The following RIPOR2 variants were observed in gnomAD, a reference collection of about 807,000 sequenced individuals.
RIPOR2 encodes RHO family interacting cell polarization regulator 2, also known as rho family-interacting cell polarization regulator 2.
In RIPOR2, 39 loss-of-function variants were observed where a neutral mutation model predicts 114.5. The observed-to-expected ratio is 0.34, with a 90% CI of 0.26 to 0.44. RIPOR2 has a LOEUF of 0.44. Among genes scored for constraint, RIPOR2 ranks in the 20% least tolerant of loss-of-function variants. The pLI, the probability that RIPOR2 is intolerant of heterozygous loss-of-function variation, is 1.00. For synonymous variants in RIPOR2, 445 were observed against 484.4 expected (o/e 0.92, Z 1.07); for missense variants, 1,007 against 1,255.1 (o/e 0.80, Z 2.99).
chr6:24,870,159 ATTTTAACTGGAATCCTT>A (rs1384587219), intron 5 of RIPOR2, among the ~76,000 whole-genome samples: 1 of 152,240 alleles, frequency 6.6e-6, no homozygotes, highest in Non-Finnish European at 1.5e-5. Flanking sequence ...CAACTGTCAG[ATTTTAACTGGAATCCTT>A]TTTTTCTCTT....
chr6:25,022,531 C>CTTTTTTTT (rs1561848668), intron 1 of RIPOR2, among the ~76,000 whole-genome samples: 5 of 64,510 alleles, frequency 7.8e-5, no homozygotes, highest in Non-Finnish European at 1.4e-4. Flanking sequence ...TGGTACCTTC[C>CTTTTTTTT]ATTTTTTTTT....
chr6:25,039,137 T>A (rs1027248990), intron 1 of RIPOR2, among the ~76,000 whole-genome samples: 3 of 152,226 alleles, frequency 2.0e-5, no homozygotes, highest in Non-Finnish European at 1.5e-5. Context: ...AACGCTGACC[T>A]ATGAGAAAAG....
chr6:24,821,065 G>A (rs1759654104), intron 19 of RIPOR2, among the ~76,000 whole-genome samples: 1 of 151,674 alleles, frequency 6.6e-6, no homozygotes, highest in African/African-American at 2.4e-5. Flanking sequence ...TACGGATGGG[G>A]TTTCACTATG....
chr6:24,869,207 G>C (rs1383011903), intron 5 of RIPOR2, 60 bp from the exon 6 acceptor site: 1 of 793,928 alleles, frequency 1.3e-6, no homozygotes, highest in Non-Finnish European at 2.1e-6. Flanking sequence ...ACTTAGGCTT[G>C]TGAGAATATC....
At chr6:24,849,123 T>G (rs562539062) in intron 11 of RIPOR2, among the ~76,000 whole-genome samples, 3 of 152,348 alleles carry the variant, frequency 2.0e-5, no homozygotes, top group African/African-American at 7.2e-5. Context: ...CAGGCTGGTC[T>G]CAAACTCCTG....
At chr6:25,032,509 G>C (rs1777040787) in intron 1 of RIPOR2, among the ~76,000 whole-genome samples, 1 of 152,070 alleles carries the variant, frequency 6.6e-6, no homozygotes, top group Non-Finnish European at 1.5e-5. Context: ...ATCGCCCTCT[G>C]TTTGGTGGAG....
intron 7 of RIPOR2, 132 bp from the exon 8 acceptor site, chr6:24,861,168 C>T (rs546112401): frequency 1.6e-6 from 1 of 614,982 alleles, no homozygotes; most frequent in East Asian, 2.9e-5. Context: ...CCACACAGCA[C>T]AGCCTAAGAA....
intron 1 of RIPOR2, among the ~76,000 whole-genome samples, chr6:24,985,609 T>C (rs187832111): frequency 1.2e-4 from 18 of 152,242 alleles, no homozygotes; most frequent in African/African-American, 4.1e-4. Flanking sequence ...ACAGGATGAA[T>C]TTCTATCCCC....
intron 12 of RIPOR2, chr6:24,847,822 A>G: frequency 1.7e-6 from 2 of 1,152,074 alleles, no homozygotes; most frequent in Non-Finnish European, 1.2e-6. Context: ...TAAAAGGCTG[A>G]TCTTAGAGAA....
At chr6:24,870,642 G>A (rs1261326064) in intron 5 of RIPOR2, among the ~76,000 whole-genome samples, 2 of 152,166 alleles carry the variant, frequency 1.3e-5, no homozygotes, top group African/African-American at 2.4e-5. Flanking sequence ...GGGTAGCTGG[G>A]ACCACAGGCA....
chr6:25,031,572 T>TATAC lies in RIPOR2; in HGVS notation c.76+10278_76+10279insGTAT, dbSNP rs1491585655. 1.8e-4 allele frequency among the ~76,000 whole-genome samples: 27 copies of TATAC among 147,932 alleles called. No individual in the cohort carries two copies. In the East Asian group the frequency reaches 4.7e-3, roughly 26 times the overall value. ...AGATTGACTGATATATATATATATATACATATATATGAGTGTTTAGAATAA... is the reference window on the plus strand; with the variant it reads ...AGATTGACTGATATATATATATATATATACACATATATATGAGTGTTTAGAATAA... On this transcript the variant is annotated intron_variant, in intron 1 of 13. Transcript: ENST00000510784.
intron 1 of RIPOR2, among the ~76,000 whole-genome samples, chr6:25,025,022 A>T (rs1776539014): frequency 6.6e-6 from 1 of 152,218 alleles, no homozygotes; most frequent in African/African-American, 2.4e-5. Flanking sequence ...TGGGTGAGTA[A>T]TCAGACATGT....
chr6:24,846,323 T>TC (rs1016511323), intron 12 of RIPOR2, among the ~76,000 whole-genome samples: 7 of 149,402 alleles, frequency 4.7e-5, no homozygotes, highest in African/African-American at 1.7e-4. Flanking sequence ...TTTTTTTTTT[T>TC]TGAGACAAGG....
intron 1 of RIPOR2, among the ~76,000 whole-genome samples, chr6:24,977,713 T>A (rs1000186341): frequency 2.4e-4 from 37 of 152,200 alleles, no homozygotes; most frequent in Non-Finnish European, 3.5e-4. Context: ...GCTGCCCTGA[T>A]GTTTTGTTGG....
At chr6:24,841,345 GC>G (rs1761696355) in intron 13 of RIPOR2, among the ~76,000 whole-genome samples, 7 of 152,202 alleles carry the variant, frequency 4.6e-5, no homozygotes. Context: ...GCATATACAA[GC>G]CCTGAGCTGA....
chr6:24,839,915 C>G lies in RIPOR2; in HGVS notation c.1858-643G>C, dbSNP rs898894228. 1.1e-5 allele frequency: 10 copies of G among 931,586 alleles called. No homozygotes were observed. In the African/African-American group the frequency reaches 1.9e-4, roughly 18 times the overall value. 57.7% of individuals were successfully genotyped at this position (931,586 alleles called of 1,614,324 possible). On this transcript the variant is annotated intron_variant, in intron 13 of 21. Transcript: ENST00000643898. ...TTCAAATTCACCTAGCCCATGTTCC[C>G]TAGGTAAGAAGCCCTGCATCTTTTT...
chr6:24,983,722 A>C (rs1774403617), intron 1 of RIPOR2, among the ~76,000 whole-genome samples: 1 of 129,798 alleles, frequency 7.7e-6, no homozygotes, highest in Admixed American at 9.6e-5. Context: ...GTGCCACTAC[A>C]CTCCAGCCTG....
Position 24,832,300 on chromosome 6 carries a change from G to C in RIPOR2, c.2300C>G (p.Ala767Gly). 2 of 1,551,742 alleles carry C rather than the reference G, an allele frequency of 1.3e-6. No homozygotes were observed. The highest frequency in any genetic ancestry group is 1.7e-6 in the Non-Finnish European group (2 of 1,146,930). Residue 767 changes from alanine to glycine, a missense_variant, in exon 16 of 22, where the codon GCT becomes GGT. Ala to Gly is a moderately conservative substitution (Grantham distance 60). Coordinates refer to ENST00000643898, the MANE Select transcript of RIPOR2 (RefSeq NM_001286445.3). The stretch of plus-strand genomic sequence containing the variant: ...ATTTCCTATGTTCTCATCACTGACA[G>C]CTGCGAGTTTCTCCATCACTTGGAT... ...RQIQVMEKLA[A>G]VSDENIGNIS...
chr6:25,041,726 A>G (rs962655882), intron 1 of RIPOR2: 3 of 609,710 alleles, frequency 4.9e-6, no homozygotes, highest in African/African-American at 1.9e-5. Context: ...GGAGCACAGG[A>G]AAGTGGAAGA....
Sources: gnomAD v4.1 joint callset for allele counts (sites outside exome capture counted in the v4.1 genomes callset) on GRCh38, gnomAD v4.1.1 for gene constraint, MANE v1.5 for transcripts, NCBI Gene and HGNC (gene_info 2026-07-23, HGNC 2026-07-21) for gene names.